Variants in ANKRD44 observed in about 807,000 individuals in gnomAD.
The protein encoded by ANKRD44 is ankyrin repeat domain 44, also known as serine/threonine-protein phosphatase 6 regulatory ankyrin repeat subunit B.
Under a neutral mutation model 116.0 loss-of-function variants are expected in ANKRD44, and 35 were observed. The observed-to-expected ratio is 0.30, with a 90% CI of 0.23 to 0.40. The LOEUF (loss-of-function observed/expected upper bound fraction) is 0.40. Among genes scored for constraint, ANKRD44 ranks in the 10% least tolerant of loss-of-function variants. The pLI, the probability that ANKRD44 is intolerant of heterozygous loss-of-function variation, is 1.00. For synonymous variants in ANKRD44, 435 were observed against 461.8 expected (o/e 0.94, Z 0.74); for missense variants, 1,014 against 1,242.6 (o/e 0.82, Z 2.77).
intron 1 of ANKRD44, among the ~76,000 whole-genome samples, chr2:197,305,923 G>T: frequency 6.8e-6 from 1 of 147,230 alleles, no homozygotes. Flanking sequence ...TTTTTGGTTT[G>T]CTCATCTAGC....
intron 20 of ANKRD44, 24 bp downstream of exon 20, chr2:197,007,782 T>C: frequency 6.6e-7 from 1 of 1,512,034 alleles, no homozygotes; most frequent in Non-Finnish European, 9.2e-7. Flanking sequence ...ATTGCTTGAC[T>C]AGAGCTGAGA....
chr2:197,216,869 A>AACACACACACGCAC (rs2081456728), intron 1 of ANKRD44, among the ~76,000 whole-genome samples: 1 of 139,734 alleles, frequency 7.2e-6, no homozygotes, highest in African/African-American at 2.8e-5. Flanking sequence ...ACATTGGTTA[A>AACACACACACGCAC]ACACACACAC....
intron 4 of ANKRD44, among the ~76,000 whole-genome samples, chr2:197,126,341 C>A (rs1055333361): frequency 2.6e-5 from 4 of 152,208 alleles, no homozygotes; most frequent in Admixed American, 2.0e-4. Flanking sequence ...AATGAGAACA[C>A]CCATGTGCAA....
At chr2:197,239,892 T>A (rs187514333) in intron 1 of ANKRD44, among the ~76,000 whole-genome samples, 1 of 152,172 alleles carries the variant, frequency 6.6e-6, no homozygotes, top group African/African-American at 2.4e-5. Flanking sequence ...ATGCAACCAA[T>A]CTGCTTCTTC....
intron 2 of ANKRD44, among the ~76,000 whole-genome samples, chr2:197,155,986 A>G (rs779449653): frequency 2.0e-5 from 3 of 152,252 alleles, no homozygotes; most frequent in Non-Finnish European, 2.9e-5. Flanking sequence ...ATCCAATTAA[A>G]AAGTAGGCAA....
At chr2:197,117,785 C>T (rs1001641503) in intron 8 of ANKRD44, among the ~76,000 whole-genome samples, 3 of 152,234 alleles carry the variant, frequency 2.0e-5, no homozygotes, top group Non-Finnish European at 2.9e-5. Flanking sequence ...CCCCTGTTCT[C>T]TTATTACCTC....
At chr2:197,284,832 G>A (rs890285825) in intron 1 of ANKRD44, among the ~76,000 whole-genome samples, 9 of 151,052 alleles carry the variant, frequency 6.0e-5, no homozygotes, top group African/African-American at 2.2e-4. Flanking sequence ...GTTACAGTGG[G>A]CCGAGATTAC....
At chr2:197,186,625 T>C (rs1280600065) in intron 2 of ANKRD44, among the ~76,000 whole-genome samples, 8 of 87,684 alleles carry the variant, frequency 9.1e-5, no homozygotes, top group Non-Finnish European at 1.5e-4. Flanking sequence ...TTTTTTTTTT[T>C]TTTTTTTTTT....
At chr2:197,082,079 C>A (rs2077810728) in intron 14 of ANKRD44, among the ~76,000 whole-genome samples, 1 of 152,202 alleles carries the variant, frequency 6.6e-6, no homozygotes, top group African/African-American at 2.4e-5. Flanking sequence ...TGCCTCCTTG[C>A]CAGCTCAGCA....
At chr2:197,047,936 G>A (rs1395947266) in intron 16 of ANKRD44, among the ~76,000 whole-genome samples, 1 of 151,758 alleles carries the variant, frequency 6.6e-6, no homozygotes, top group East Asian at 1.9e-4. Context: ...AGTGTTGGTG[G>A]ATTTTTTGAA....
chr2:197,030,781 C>A (rs1243847875), intron 16 of ANKRD44, among the ~76,000 whole-genome samples: 2 of 151,916 alleles, frequency 1.3e-5, no homozygotes, highest in Non-Finnish European at 2.9e-5. Context: ...CAAATGAAGC[C>A]TGACTGATTC....
chr2:197,247,170 A>G (rs1388943235), intron 1 of ANKRD44, among the ~76,000 whole-genome samples: 1 of 152,162 alleles, frequency 6.6e-6, no homozygotes, highest in East Asian at 1.9e-4. Flanking sequence ...ATAGAAAAAA[A>G]TTGTTTCAGC....
chr2:197,259,978 A>G (rs2082554087), intron 1 of ANKRD44, among the ~76,000 whole-genome samples: 2 of 152,256 alleles, frequency 1.3e-5, no homozygotes, highest in South Asian at 4.1e-4. Flanking sequence ...CACAGGCTAT[A>G]CTATCTTATA....
At chr2:197,277,607 T>A (rs2083129419) in intron 1 of ANKRD44, among the ~76,000 whole-genome samples, 1 of 152,160 alleles carries the variant, frequency 6.6e-6, no homozygotes, top group African/African-American at 2.4e-5. Flanking sequence ...AGAAGCAGAA[T>A]AATTTCACTC....
intron 9 of ANKRD44, among the ~76,000 whole-genome samples, chr2:197,107,045 T>TA (rs1232280986): frequency 2.0e-5 from 3 of 152,198 alleles, no homozygotes; most frequent in African/African-American, 7.2e-5. Context: ...ATATTGGAGA[T>TA]TGATCATTGA....
intron 1 of ANKRD44, among the ~76,000 whole-genome samples, chr2:197,304,271 A>G (rs1265103160): frequency 6.6e-6 from 1 of 152,166 alleles, no homozygotes; most frequent in Non-Finnish European, 1.5e-5. Flanking sequence ...CCAAGATTGC[A>G]CCACTATACT....
At chr2:197,139,681 G>T in intron 3 of ANKRD44, among the ~76,000 whole-genome samples, 1 of 151,862 alleles carries the variant, frequency 6.6e-6, no homozygotes, top group South Asian at 2.1e-4. Flanking sequence ...AAAATATTAA[G>T]AGTTCCTAAA....
intron 2 of ANKRD44, among the ~76,000 whole-genome samples, chr2:197,181,494 T>G (rs982707791): frequency 1.2e-4 from 19 of 152,220 alleles, no homozygotes; most frequent in African/African-American, 4.6e-4. Flanking sequence ...TGTAAGAGAC[T>G]TTAAACATTA....
At chr2:197,238,084 G>A (rs764991866) in intron 1 of ANKRD44, among the ~76,000 whole-genome samples, 3 of 152,168 alleles carry the variant, frequency 2.0e-5, no homozygotes, top group Non-Finnish European at 2.9e-5. Context: ...AGATTCTTCC[G>A]TTGTATGTGT....
Sources: gnomAD v4.1 joint callset for allele counts (sites outside exome capture counted in the v4.1 genomes callset) on GRCh38, gnomAD v4.1.1 for gene constraint, MANE v1.5 for transcripts, NCBI Gene and HGNC (gene_info 2026-07-23, HGNC 2026-07-21) for gene names.